COL23A1: variants seen among roughly 807,000 people sequenced by gnomAD.
COL23A1 encodes the protein collagen type XXIII alpha 1 chain.
Under a neutral mutation model 99.3 loss-of-function variants are expected in COL23A1, and 97 were observed. The ratio of observed to expected loss-of-function variants is 0.98; its 90% CI spans 0.83 to 1.16. The LOEUF is 1.16. Among genes scored for constraint, COL23A1 ranks in the 50% most tolerant of loss-of-function variants. The probability of loss-of-function intolerance (pLI) is 0.00; values close to 1 mark genes in which losing one functional copy is unlikely to be tolerated. For missense variants in COL23A1, 762 were observed against 757.4 expected (o/e 1.01, Z -0.07); for synonymous variants, 320 against 308.2 (o/e 1.04, Z -0.40).
At chr5:178,547,939 A>C (rs1396751300) in intron 2 of COL23A1, among the ~76,000 whole-genome samples, 17 of 16,706 alleles carry the variant, frequency 1.0e-3, no homozygotes, top group Non-Finnish European at 9.5e-4. Flanking sequence ...ACCCACACCC[A>C]CCCCCCACAC....
At chr5:178,586,323 G>T (rs952418941) in intron 1 of COL23A1, among the ~76,000 whole-genome samples, 43 of 152,320 alleles carry the variant, frequency 2.8e-4, no homozygotes, top group African/African-American at 1.0e-3. Flanking sequence ...CAGAGGAGAG[G>T]CAGTGGAAGA....
At chr5:178,390,268 A>G (rs1483012130) in intron 2 of COL23A1, among the ~76,000 whole-genome samples, 6 of 152,250 alleles carry the variant, frequency 3.9e-5, no homozygotes, top group Admixed American at 3.9e-4. Context: ...AAGAACAGGC[A>G]TACACTGAGA....
At chr5:178,362,340 G>A (rs765789565) in intron 2 of COL23A1, among the ~76,000 whole-genome samples, 1 of 152,132 alleles carries the variant, frequency 6.6e-6, no homozygotes, top group Non-Finnish European at 1.5e-5. Context: ...ATGTCCCACT[G>A]AACCATGGAC....
At chr5:178,319,542 G>A (rs1218453982) in intron 2 of COL23A1, among the ~76,000 whole-genome samples, 2 of 152,210 alleles carry the variant, frequency 1.3e-5, no homozygotes, top group Non-Finnish European at 2.9e-5. Flanking sequence ...GCCGGTGGGC[G>A]TGGGCAAGGC....
intron 25 of COL23A1, among the ~76,000 whole-genome samples, chr5:178,243,327 A>C (rs1457621706): frequency 6.6e-6 from 1 of 151,724 alleles, no homozygotes; most frequent in Non-Finnish European, 1.5e-5. Flanking sequence ...ATCTCTCCTA[A>C]AATACAAAAA....
rs1371350209 is a variant in COL23A1, at chr5:178,534,745, C to G, written c.361+25937G>C. 2.6e-5 allele frequency among the ~76,000 whole-genome samples: 4 copies of G among 152,000 alleles called. No individual in the cohort carries two copies. In the East Asian group the frequency reaches 7.8e-4, roughly 30 times the overall value. ...AGTGAGCCAAGATCGTGCCACTGCA[C>G]TCCAGCCTGGGCGACAGAGCAAGAC... On this transcript the variant is annotated intron_variant, in intron 2 of 28. Coordinates refer to ENST00000390654, the MANE Select transcript of COL23A1 (RefSeq NM_173465.4).
chr5:178,564,670 G>A (rs1041090899), intron 1 of COL23A1, among the ~76,000 whole-genome samples: 9 of 152,140 alleles, frequency 5.9e-5, no homozygotes, highest in South Asian at 2.1e-4. Flanking sequence ...GGGGAAGGGC[G>A]GCAAGAGCTC....
intron 2 of COL23A1, among the ~76,000 whole-genome samples, chr5:178,433,517 C>T (rs1766380270): frequency 6.6e-6 from 1 of 152,078 alleles, no homozygotes; most frequent in Non-Finnish European, 1.5e-5. Flanking sequence ...AGATCATTGG[C>T]AATTGGTGAT....
At chr5:178,388,940 A>C (rs1328496163) in intron 2 of COL23A1, among the ~76,000 whole-genome samples, 1 of 152,156 alleles carries the variant, frequency 6.6e-6, no homozygotes, top group Non-Finnish European at 1.5e-5. Flanking sequence ...GATTTCCCAA[A>C]CTTCTGTGAC....
At chr5:178,530,291 T>G (rs1760570737) in intron 2 of COL23A1, among the ~76,000 whole-genome samples, 1 of 152,074 alleles carries the variant, frequency 6.6e-6, no homozygotes, top group African/African-American at 2.4e-5. Flanking sequence ...CAAGACTCCG[T>G]CTCTGCTAAA....
At chr5:178,447,568 G>C (rs1767233028) in intron 2 of COL23A1, among the ~76,000 whole-genome samples, 1 of 152,144 alleles carries the variant, frequency 6.6e-6, no homozygotes, top group African/African-American at 2.4e-5. Flanking sequence ...TACTGTTAAG[G>C]TTTGTAGCCT....
In COL23A1 at chr5:178,502,332, C is replaced by T. The variant is rs572781872; in HGVS notation, c.361+58350G>A. ...ATTTTTAGTAGAGACGGGGTTTCAC[C>T]ATGTTAGCCAGGATGGTCTCGATCT... On this transcript the variant is annotated intron_variant, in intron 2 of 28. Coordinates refer to ENST00000390654, the MANE Select transcript of COL23A1 (RefSeq NM_173465.4). 2.2e-4 allele frequency among the ~76,000 whole-genome samples: 34 copies of T among 152,292 alleles called. 1 individual carries two copies. The South Asian group carries it at 3.7e-3, about 17-fold the overall frequency.
At chr5:178,268,901 A>T (rs761897583) in intron 6 of COL23A1, 145 bp from the exon 7 acceptor site, 13 of 723,398 alleles carry the variant, frequency 1.8e-5, no homozygotes, top group Non-Finnish European at 2.6e-5. Flanking sequence ...CTCAGCCCTC[A>T]ATGAGAGCTG....
chr5:178,549,802 C>G (rs572709741), intron 2 of COL23A1, among the ~76,000 whole-genome samples: 44 of 151,722 alleles, frequency 2.9e-4, no homozygotes, highest in African/African-American at 9.7e-4. Flanking sequence ...ACAACAAGAG[C>G]AGAATCCTGT....
chr5:178,467,336 C>T (rs1756475211), intron 2 of COL23A1, among the ~76,000 whole-genome samples: 1 of 152,194 alleles, frequency 6.6e-6, no homozygotes, highest in South Asian at 2.1e-4. Context: ...CCCTTCCACC[C>T]CCTTGGCCAG....
At chr5:178,511,896 A>T in intron 2 of COL23A1, among the ~76,000 whole-genome samples, 1 of 152,230 alleles carries the variant, frequency 6.6e-6, no homozygotes, top group African/African-American at 2.4e-5. Context: ...GGCAAAAAAA[A>T]AATTTTAATT....
rs35460582 is a variant in COL23A1 at position 178,534,972 on chromosome 5, CTT to C, written c.361+25708_361+25709del. ...CACAGATTCCTTCTTTTTCCTTTTT[CTT>C]TTTTTTTTTTTTTTGAGCAGAGTTT... On this transcript the variant is annotated intron_variant, in intron 2 of 28. Transcript: ENST00000390654. Among the ~76,000 whole-genome samples, 168 of 130,050 alleles carry C rather than the reference CTT, an allele frequency of 1.3e-3. 1 individual carries two copies. Among genetic ancestry groups the C allele is most frequent in the African/African-American group, 4.3e-3 (147 of 34,104 alleles). The allele number at this position is 130,050 out of a possible 152,430, so 85.3% of individuals were successfully genotyped here.
intron 1 of COL23A1, among the ~76,000 whole-genome samples, chr5:178,580,229 G>T (rs574951161): frequency 3.3e-5 from 5 of 152,040 alleles, no homozygotes; most frequent in Non-Finnish European, 5.9e-5. Context: ...TCCAGAGGCT[G>T]AGGCAGTAGA....
chr5:178,580,396 G>A (rs1343150051), intron 1 of COL23A1, among the ~76,000 whole-genome samples: 3 of 149,708 alleles, frequency 2.0e-5, no homozygotes, highest in Non-Finnish European at 3.0e-5. Context: ...CACATGGGAC[G>A]CACACAGTTG....
Sources: allele counts gnomAD v4.1 joint callset (sites outside exome capture counted in the v4.1 genomes callset), GRCh38; gene constraint gnomAD v4.1.1; transcripts MANE v1.5; gene names NCBI Gene and HGNC (gene_info 2026-07-23, HGNC 2026-07-21).